CTNND1: variants seen among roughly 807,000 people sequenced by gnomAD.
CTNND1 encodes the protein catenin delta 1, also known as catenin delta-1.
A neutral mutation model predicts 112.1 loss-of-function variants in CTNND1; 16 were observed. That is an observed-to-expected ratio of 0.14 (90% CI 0.10 to 0.22). The LOEUF is 0.22. CTNND1 is among the 10% of genes least tolerant of loss of function. The pLI, the probability that CTNND1 is intolerant of heterozygous loss-of-function variation, is 1.00. For missense variants in CTNND1, 1,008 were observed against 1,257.0 expected (o/e 0.80, Z 3.00); for synonymous variants, 420 against 446.5 (o/e 0.94, Z 0.75).
chr11:57,803,864 T>TAAAAA, intron 8 of CTNND1, 60 bp downstream of exon 8: 1 of 900,392 alleles, frequency 1.1e-6, no homozygotes, highest in Middle Eastern at 2.6e-4. Context: ...TTAAATTTCC[T>TAAAAA]AAAAAAAAAA....
chr11:57,794,484 C>A (rs1468551592), intron 4 of CTNND1, among the ~76,000 whole-genome samples: 1 of 152,112 alleles, frequency 6.6e-6, no homozygotes, highest in African/African-American at 2.4e-5. Context: ...TCAGGTTTGT[C>A]TTAAAAGTTC....
At position 57,803,607 on chromosome 11, in the gene CTNND1, A is replaced by C; in HGVS notation, c.1421-14A>C. On this transcript the variant is annotated splice_polypyrimidine_tract_variant and intron_variant, in intron 7 of 20. Coordinates refer to ENST00000399050, the MANE Select transcript of CTNND1 (RefSeq NM_001085458.2). ...TGAATGCTCAAGAGCCATCTGATGA[A>C]TTGTCTCTTCCAGGAACCCTGTGGA... is the stretch of plus-strand genomic sequence containing the variant. 1 of 1,598,522 alleles carries C rather than the reference A, an allele frequency of 6.3e-7. No homozygotes were observed. Among genetic ancestry groups the C allele is most frequent in the Non-Finnish European group, 8.5e-7 (1 of 1,171,464 alleles).
At chr11:57,763,404 C>T (rs986977919) in intron 1 of CTNND1, among the ~76,000 whole-genome samples, 1 of 152,168 alleles carries the variant, frequency 6.6e-6, no homozygotes, top group African/African-American at 2.4e-5. Flanking sequence ...GTTCTCCCCT[C>T]ACCCCCCTGC....
At chr11:57,812,442 C>T (rs1174226315) in intron 17 of CTNND1, among the ~76,000 whole-genome samples, 3 of 152,118 alleles carry the variant, frequency 2.0e-5, no homozygotes, top group African/African-American at 7.2e-5. Context: ...ATCGCTTGAA[C>T]CCAGGAGGCG....
At position 57,808,459 on chromosome 11, in the gene CTNND1, A is replaced by G. The variant is rs748299287; in HGVS notation, c.2161A>G (p.Asn721Asp). ...ALSAIADLLT[N>D]EHERVVKAAS... is the part of the protein sequence containing the mutation. The stretch of plus-strand genomic sequence containing the variant: ...TTCTGCCATAGCTGACCTCCTGACT[A>G]ATGAACATGAACGGGTGGTGAAAGC... Residue 721 changes from asparagine to aspartate, a missense_variant, in exon 14 of 21, where the codon AAT (asparagine) becomes GAT (aspartate). Asn to Asp is a conservative substitution (Grantham distance 23). This residue lies in a region of CTNND1 where 254 missense variants were observed against 279.5 expected (regional missense o/e 0.91). Transcript: ENST00000399050. 8.1e-6 allele frequency: 13 copies of G among 1,613,428 alleles called. No homozygotes were observed. The highest frequency in any genetic ancestry group is 1.7e-4 in the Middle Eastern group (1 of 6,060).
chr11:57,770,468 C>T (rs969908325), intron 1 of CTNND1, among the ~76,000 whole-genome samples: 2 of 151,326 alleles, frequency 1.3e-5, no homozygotes, highest in African/African-American at 2.4e-5. Context: ...TCCTGGCCAA[C>T]GTGGTGAAAC....
Position 57,804,704 on chromosome 11 carries a change from G to A in CTNND1, c.1646G>A (p.Arg549Gln), listed in dbSNP as rs777282942. 9 of 1,613,858 alleles carry A rather than the reference G, an allele frequency of 5.6e-6. No individual in the cohort carries two copies. The highest frequency in any genetic ancestry group is 1.1e-5 in the South Asian group (1 of 91,070). The change falls in exon 9 of 21, where the codon CGG becomes CAG. Residue 549 changes from arginine (R) to glutamine (Q), a missense_variant. By Grantham distance (43) the Arg-to-Gln change is conservative. Around this residue, in one of 5 missense-constraint regions of CTNND1, gnomAD observed 216 missense variants for 342.8 expected, o/e 0.63. Coordinates refer to ENST00000399050, the MANE Select transcript of CTNND1 (RefSeq NM_001085458.2). Reference sequence around the variant, plus strand: ...AGGAGTGAAGCTCGCCGGAAACTTCGGGAATGTGATGGTTTAGTTGATGCC... The same window carrying A: ...AGGAGTGAAGCTCGCCGGAAACTTCAGGAATGTGATGGTTTAGTTGATGCC... ...SERSEARRKL[R>Q]ECDGLVDALI...
intron 17 of CTNND1, among the ~76,000 whole-genome samples, chr11:57,813,571 A>G (rs2063615742): frequency 6.6e-6 from 1 of 152,226 alleles, no homozygotes; most frequent in Non-Finnish European, 1.5e-5. Context: ...TGTTAATTAT[A>G]GATTCCACAT....
intron 19 of CTNND1, 28 bp from the exon 20 acceptor site, chr11:57,815,887 C>A: frequency 6.3e-7 from 1 of 1,583,358 alleles, no homozygotes. Flanking sequence ...TGTCTCTACT[C>A]ATACTAACAA....
chr11:57,815,804 A>G, intron 19 of CTNND1, 111 bp from the exon 20 acceptor site: 1 of 915,118 alleles, frequency 1.1e-6, no homozygotes, highest in Admixed American at 2.3e-5. Flanking sequence ...TTCTCTTACT[A>G]TTATATCTTG....
chr11:57,785,554 G>A (rs967389606), intron 1 of CTNND1, among the ~76,000 whole-genome samples: 6 of 151,614 alleles, frequency 4.0e-5, no homozygotes, highest in African/African-American at 1.2e-4. Context: ...TTTTTTGTGT[G>A]TGTGTGTGTG....
intron 1 of CTNND1, among the ~76,000 whole-genome samples, chr11:57,787,148 A>G (rs192443756): frequency 1.6e-4 from 25 of 152,354 alleles, no homozygotes; most frequent in African/African-American, 5.1e-4. Flanking sequence ...TTAGTTTCAC[A>G]TTCCCTTTCT....
Position 57,796,481 on chromosome 11 carries a change from A to T in CTNND1, c.445A>T (p.Thr149Ser), listed in dbSNP as rs2061380441. The T allele has an allele frequency of 6.2e-7, 1 of 1,605,648 alleles. No individual in the cohort carries two copies. The highest frequency in any genetic ancestry group is 2.2e-5 in the East Asian group (1 of 44,684). The change falls in exon 6 of 21, where the codon ACA becomes TCA. Residue 149 changes from threonine (T) to serine (S), a missense_variant. Thr to Ser is a moderately conservative substitution (Grantham distance 58, BLOSUM62 1). Around this residue, in one of 5 missense-constraint regions of CTNND1, gnomAD observed 404 missense variants for 457.9 expected, o/e 0.88. Coordinates refer to ENST00000399050, the MANE Select transcript of CTNND1 (RefSeq NM_001085458.2). ...TTVKKVVKTV[T>S]TRTVQPVAMG... is the part of the protein sequence containing the mutation. Reference sequence around the variant, plus strand: ...GGTCAAGAAAGTAGTGAAGACTGTGACAACACGGACAGTACAGCCAGTCGC... The same window carrying T: ...GGTCAAGAAAGTAGTGAAGACTGTGTCAACACGGACAGTACAGCCAGTCGC...
At chr11:57,811,930 C>T (rs574646981) in intron 17 of CTNND1, among the ~76,000 whole-genome samples, 1 of 152,298 alleles carries the variant, frequency 6.6e-6, no homozygotes, top group South Asian at 2.1e-4. Context: ...CATTTTTCCT[C>T]TGAGATGAAT....
chr11:57,819,435 T>C lies in CTNND1; in HGVS notation c.*3127T>C, dbSNP rs2064128918. The C allele has an allele frequency of 6.6e-6, 1 of 152,230 alleles. No homozygotes were observed. Among genetic ancestry groups the C allele is most frequent in the Non-Finnish European group, 1.5e-5 (1 of 68,044 alleles). 9.4% of individuals were successfully genotyped at this position (152,230 alleles called of 1,614,324 possible). A position where few individuals can be genotyped will look rare whatever the true frequency, so the allele number is the denominator to read the frequency against. ...TTGTCAGCAACACTTTATTTCCCTG[T>C]TATGTTCTTATCCTTTGGCATTGAG... is the stretch of plus-strand genomic sequence containing the variant. On this transcript the variant is annotated 3_prime_UTR_variant, in exon 21 of 21. Transcript: ENST00000399050.
intron 1 of CTNND1, among the ~76,000 whole-genome samples, chr11:57,783,744 C>T (rs2059846505): frequency 6.6e-6 from 1 of 151,800 alleles, no homozygotes; most frequent in Non-Finnish European, 1.5e-5. Flanking sequence ...TGTGGTTGAA[C>T]CGGAATATTT....
intron 1 of CTNND1, among the ~76,000 whole-genome samples, chr11:57,775,559 T>C (rs1396447439): frequency 1.3e-5 from 2 of 152,206 alleles, no homozygotes; most frequent in Admixed American, 6.5e-5. Flanking sequence ...GGGAAAACTT[T>C]AGACTGTATC....
At chr11:57,807,626 A>AAG (rs2062856828) in intron 12 of CTNND1, among the ~76,000 whole-genome samples, 1 of 151,110 alleles carries the variant, frequency 6.6e-6, no homozygotes, top group South Asian at 2.1e-4. Context: ...AAAAAAAAAA[A>AAG]AAAAAGAAAA....
At chr11:57,779,671 T>C (rs1047906428) in intron 1 of CTNND1, among the ~76,000 whole-genome samples, 2 of 152,242 alleles carry the variant, frequency 1.3e-5, no homozygotes, top group Non-Finnish European at 2.9e-5. Flanking sequence ...TCTTTGCTTT[T>C]GGCTTAGTGA....
Sources: allele counts gnomAD v4.1 joint callset (sites outside exome capture counted in the v4.1 genomes callset), GRCh38; gene constraint gnomAD v4.1.1; regional missense constraint gnomAD v4.1.1; transcripts MANE v1.5; gene names NCBI Gene and HGNC (gene_info 2026-07-23, HGNC 2026-07-21).